GPATCH2: variants seen among roughly 807,000 people sequenced by gnomAD.
The protein encoded by GPATCH2 is G patch domain-containing protein 2.
A neutral mutation model predicts 58.0 loss-of-function variants in GPATCH2; 51 were observed. The observed-to-expected ratio is 0.88, with a 90% CI of 0.70 to 1.11. GPATCH2 has a LOEUF of 1.11. Ranked by LOEUF, GPATCH2 falls within the 50% of genes most tolerant of loss-of-function variation. The pLI, the probability that GPATCH2 is intolerant of heterozygous loss-of-function variation, is 0.00. For missense variants in GPATCH2, 625 were observed against 652.2 expected (o/e 0.96, Z 0.45); for synonymous variants, 222 against 218.5 (o/e 1.02, Z -0.14).
intron 6 of GPATCH2, among the ~76,000 whole-genome samples, chr1:217,499,834 C>T (rs914149177): frequency 6.6e-5 from 10 of 151,722 alleles, no homozygotes; most frequent in African/African-American, 2.4e-4. Flanking sequence ...TTTCTTGTTC[C>T]ATCTATCCTG....
At chr1:217,574,494 G>A (rs1174392639) in intron 5 of GPATCH2, among the ~76,000 whole-genome samples, 1 of 152,076 alleles carries the variant, frequency 6.6e-6, no homozygotes, top group Non-Finnish European at 1.5e-5. Context: ...GTTCAGTTAC[G>A]GGGTGGTTTA....
At chr1:217,562,299 C>G (rs12094292) in intron 5 of GPATCH2, among the ~76,000 whole-genome samples, 4,349 of 152,194 alleles carry the variant, frequency 0.029, 198 homozygotes, top group African/African-American at 0.1. Context: ...TATTTTGTAA[C>G]TTTTTCGGCA....
chr1:217,513,413 C>CT (rs1662953011), intron 6 of GPATCH2, among the ~76,000 whole-genome samples: 1 of 152,114 alleles, frequency 6.6e-6, no homozygotes. Context: ...ACAATAATCT[C>CT]TATTTTATAT....
At chr1:217,619,572 C>T (rs1376210189) in intron 2 of GPATCH2, among the ~76,000 whole-genome samples, 3 of 152,044 alleles carry the variant, frequency 2.0e-5, no homozygotes, top group Non-Finnish European at 1.5e-5. Context: ...CATTATAATA[C>T]AATCAAAAGA....
chr1:217,577,667 G>C (rs528215736), intron 5 of GPATCH2, among the ~76,000 whole-genome samples: 1 of 152,082 alleles, frequency 6.6e-6, no homozygotes, highest in Non-Finnish European at 1.5e-5. Context: ...ACAGGTCAAA[G>C]TCAAGAAACC....
chr1:217,559,132 T>C (rs1342675706), intron 5 of GPATCH2, among the ~76,000 whole-genome samples: 1 of 152,112 alleles, frequency 6.6e-6, no homozygotes, highest in Non-Finnish European at 1.5e-5. Flanking sequence ...GATGTTACAA[T>C]AAAATCCTAT....
chr1:217,619,963 GC>G lies in GPATCH2; in HGVS notation c.592del (p.Ala198ProfsTer17). The G allele has an allele frequency of 2.5e-6, 4 of 1,613,818 alleles. No homozygotes were observed. The highest frequency in any genetic ancestry group is 3.4e-6 in the Non-Finnish European group (4 of 1,179,932). On this transcript the variant is annotated frameshift_variant, in exon 2 of 10. Transcript: ENST00000366935. LOFTEE classifies it high-confidence loss of function. Reference sequence around the variant, plus strand: ...CTTGGTAAATTCTTGATACTGGTAGGCTCTATCACTGTCCATGTCCTGATCT... The same window carrying G: ...CTTGGTAAATTCTTGATACTGGTAGGTCTATCACTGTCCATGTCCTGATCT... ...CRDQDMDSDR[A>X]YQYQEFTKNK... is the part of the protein sequence containing the mutation.
chr1:217,509,934 A>T (rs1662763888), intron 6 of GPATCH2, among the ~76,000 whole-genome samples: 1 of 152,202 alleles, frequency 6.6e-6, no homozygotes, highest in South Asian at 2.1e-4. Flanking sequence ...TGCTGATACG[A>T]ATTTGAGGGG....
At chr1:217,555,137 T>C (rs1665556491) in intron 5 of GPATCH2, among the ~76,000 whole-genome samples, 1 of 152,182 alleles carries the variant, frequency 6.6e-6, no homozygotes, top group Non-Finnish European at 1.5e-5. Flanking sequence ...AAAACCAAGA[T>C]TTACTGAGAT....
chr1:217,629,084 C>A (rs978745489), intron 1 of GPATCH2, among the ~76,000 whole-genome samples: 1 of 151,996 alleles, frequency 6.6e-6, no homozygotes, highest in Non-Finnish European at 1.5e-5. Flanking sequence ...AAACCTGGCA[C>A]CTAATTAACT....
chr1:217,545,038 G>A (rs1254371016), intron 5 of GPATCH2, among the ~76,000 whole-genome samples: 2 of 152,114 alleles, frequency 1.3e-5, no homozygotes, highest in African/African-American at 4.8e-5. Context: ...GTCTACTGGA[G>A]CCTTCTCAAT....
At chr1:217,495,131 T>C (rs754106422) in intron 7 of GPATCH2, 68 of 325,374 alleles carry the variant, frequency 2.1e-4, no homozygotes, top group Non-Finnish European at 2.9e-4. Flanking sequence ...AATCTGTAAG[T>C]AAAAAACCTA....
chr1:217,461,742 G>T (rs1054680521), intron 8 of GPATCH2, among the ~76,000 whole-genome samples: 5 of 152,200 alleles, frequency 3.3e-5, no homozygotes, highest in African/African-American at 1.2e-4. Flanking sequence ...ACTGAAGCTA[G>T]TTTTTACAGT....
chr1:217,595,054 G>A (rs1475192665), intron 5 of GPATCH2, among the ~76,000 whole-genome samples: 3 of 152,186 alleles, frequency 2.0e-5, no homozygotes, highest in East Asian at 3.9e-4. Context: ...GTCAAGGAAT[G>A]AGTTAGATTA....
At chr1:217,447,379 T>C (rs1026853765) in intron 9 of GPATCH2, among the ~76,000 whole-genome samples, 1 of 152,190 alleles carries the variant, frequency 6.6e-6, no homozygotes, top group Non-Finnish European at 1.5e-5. Context: ...TACATTGCTA[T>C]GGAAAGAGCA....
intron 1 of GPATCH2, among the ~76,000 whole-genome samples, chr1:217,624,724 C>T (rs905254267): frequency 6.6e-6 from 1 of 152,194 alleles, no homozygotes; most frequent in Non-Finnish European, 1.5e-5. Flanking sequence ...TCTGTACTTA[C>T]TGAACAACCA....
intron 1 of GPATCH2, among the ~76,000 whole-genome samples, chr1:217,621,753 C>T (rs1226569209): frequency 6.6e-6 from 1 of 152,184 alleles, no homozygotes; most frequent in Non-Finnish European, 1.5e-5. Context: ...TAACAGCTTT[C>T]AACTTTTGTC....
chr1:217,567,045 G>GTTTTTTTTTTTTTTTTTTTTTTTTTT lies in GPATCH2; in HGVS notation c.1098+43275_1098+43276insAAAAAAAAAAAAAAAAAAAAAAAAAA, dbSNP rs549350813. On this transcript the variant is annotated intron_variant, in intron 5 of 9. Transcript: ENST00000366935. ...CATCACTCAGCAAATATAACTTCTG[G>GTTTTTTTTTTTTTTTTTTTTTTTTTT]CTTTTTTTTTTTTTTTTTGAGACGG... Among the ~76,000 whole-genome samples the GTTTTTTTTTTTTTTTTTTTTTTTTTT allele has an allele frequency of 4.3e-5, 6 of 140,762 alleles. 2 individuals are homozygous for GTTTTTTTTTTTTTTTTTTTTTTTTTT. The highest frequency in any genetic ancestry group is 6.1e-5 in the Non-Finnish European group (4 of 65,432). The allele number at this position is 140,762 out of a possible 152,430, so 92.3% of individuals were successfully genotyped here.
At chr1:217,450,295 G>A (rs1164194281) in intron 8 of GPATCH2, among the ~76,000 whole-genome samples, 2 of 151,714 alleles carry the variant, frequency 1.3e-5, no homozygotes, top group Non-Finnish European at 2.9e-5. Context: ...AGTATCTTGA[G>A]GTTTTAAAGA....
Sources: gnomAD v4.1 joint callset for allele counts (sites outside exome capture counted in the v4.1 genomes callset) on GRCh38, gnomAD v4.1.1 for gene constraint, MANE v1.5 for transcripts, NCBI Gene and HGNC (gene_info 2026-07-23, HGNC 2026-07-21) for gene names.